FLACC1: variants seen among roughly 807,000 people sequenced by gnomAD.
FLACC1 encodes the protein flagellum-associated coiled-coil domain-containing protein 1.
Under a neutral mutation model 62.8 loss-of-function variants are expected in FLACC1, and 66 were observed. The ratio of observed to expected loss-of-function variants is 1.05; its 90% CI spans 0.86 to 1.29. The LOEUF is 1.29. Among genes scored for constraint, FLACC1 ranks in the 50% most tolerant of loss-of-function variants. The pLI, the probability that FLACC1 is intolerant of heterozygous loss-of-function variation, is 0.00. For missense variants in FLACC1, 452 were observed against 489.1 expected (o/e 0.92, Z 0.71); for synonymous variants, 156 against 161.0 (o/e 0.97, Z 0.24).
chr2:201,290,674 C>T (rs968514374), intron 12 of FLACC1, among the ~76,000 whole-genome samples: 2 of 152,076 alleles, frequency 1.3e-5, no homozygotes, highest in African/African-American at 4.8e-5. Flanking sequence ...GATTGTCAGA[C>T]AGTGGGTGCA....
chr2:201,302,228 G>A (rs1336442874), intron 11 of FLACC1, among the ~76,000 whole-genome samples: 1 of 152,118 alleles, frequency 6.6e-6, no homozygotes, highest in Admixed American at 6.5e-5. Flanking sequence ...ATAAAAGGAT[G>A]GAGTAAGATC....
rs568957927 is a variant in FLACC1, at chr2:201,295,322, C to T, written c.942+3916G>A. On this transcript the variant is annotated intron_variant, in intron 12 of 14. Transcript: ENST00000392257. ...CTGGTACCAAAACAGAGATATAGACCAATGGAACAGAACAGAGCCCTCAGA... is the reference window on the plus strand; with the variant it reads ...CTGGTACCAAAACAGAGATATAGACTAATGGAACAGAACAGAGCCCTCAGA... Among the ~76,000 whole-genome samples the T allele has an allele frequency of 3.2e-4, 49 of 152,164 alleles. 1 individual carries two copies. Among genetic ancestry groups the T allele is most frequent in the African/African-American group, 1.1e-3 (46 of 41,500 alleles).
chr2:201,298,369 C>T (rs1029789991), intron 12 of FLACC1, among the ~76,000 whole-genome samples: 2 of 152,148 alleles, frequency 1.3e-5, no homozygotes, highest in Admixed American at 1.3e-4. Context: ...TAAAAATATT[C>T]AGCACCCAAC....
intron 3 of FLACC1, 107 bp from the exon 4 acceptor site, chr2:201,348,409 TG>T: frequency 8.5e-7 from 1 of 1,181,534 alleles, no homozygotes; most frequent in Non-Finnish European, 1.2e-6. Flanking sequence ...CTCTCTGACC[TG>T]ACCTTCTTAG....
chr2:201,350,310 G>A (rs924672118), intron 3 of FLACC1, among the ~76,000 whole-genome samples: 1 of 152,132 alleles, frequency 6.6e-6, no homozygotes, highest in Admixed American at 6.5e-5. Context: ...GTTTGAACCA[G>A]GGAGGTGGAG....
chr2:201,307,717 G>T, intron 10 of FLACC1, 95 bp from the exon 11 acceptor site: 1 of 897,710 alleles, frequency 1.1e-6, no homozygotes, highest in Non-Finnish European at 1.8e-6. Flanking sequence ...AGCAATTCCA[G>T]ACTGTGTCAG....
chr2:201,327,874 C>T (rs143201330), intron 9 of FLACC1, among the ~76,000 whole-genome samples: 3 of 152,246 alleles, frequency 2.0e-5, no homozygotes, highest in East Asian at 3.9e-4. Flanking sequence ...TTTATAGCAG[C>T]ACAATTCACA....
rs374008019 is a variant in FLACC1 at position 201,307,539 on chromosome 2, T to C, written c.859A>G (p.Asn287Asp). 1 of 1,614,008 alleles carries C rather than the reference T, an allele frequency of 6.2e-7. No individual in the cohort carries two copies. The highest frequency in any genetic ancestry group is 1.3e-5 in the African/African-American group (1 of 74,938). ...GTTACCTCCTTCTCTTGAATGAAGT[T>C]CTCAAAGACAGCACTGCAGGATTCA... ...INESCSAVFE[N>D]FIQEKEELLK... The change falls in exon 11 of 15, where the codon AAC becomes GAC. Residue 287 changes from asparagine (N) to aspartate (D), a missense_variant. Asn to Asp is a conservative substitution (Grantham distance 23, BLOSUM62 1). This residue lies in a region of FLACC1 where 301 missense variants were observed against 318.4 expected (regional missense o/e 0.95). Coordinates refer to ENST00000392257, the MANE Select transcript of FLACC1 (RefSeq NM_001127391.3).
At chr2:201,293,883 A>G (rs1184601228) in intron 12 of FLACC1, among the ~76,000 whole-genome samples, 2 of 152,238 alleles carry the variant, frequency 1.3e-5, no homozygotes, top group East Asian at 1.9e-4. Context: ...ATCAGAGAGT[A>G]CTATAAACAC....
At position 201,288,944 on chromosome 2, in the gene FLACC1, G is replaced by A. The variant is rs186031852; in HGVS notation, c.1143-163C>T. On this transcript the variant is annotated intron_variant, in intron 14 of 14. Transcript: ENST00000392257. ...GAATTTAGTGAGGTATGGTGTTCAG[G>A]TGACTAAAGTCCTATACGAGGAATT... is the stretch of plus-strand genomic sequence containing the variant. 2.4e-4 allele frequency among the ~76,000 whole-genome samples: 36 copies of A among 152,262 alleles called. No homozygotes were observed. In the Middle Eastern group the frequency reaches 0.01, roughly 43 times the overall value.
intron 11 of FLACC1, among the ~76,000 whole-genome samples, chr2:201,305,572 T>C (rs946661810): frequency 6.6e-6 from 1 of 152,216 alleles, no homozygotes; most frequent in Non-Finnish European, 1.5e-5. Flanking sequence ...GACACAGCCA[T>C]CCCATTACTG....
intron 6 of FLACC1, among the ~76,000 whole-genome samples, chr2:201,343,513 C>T (rs1351495784): frequency 6.6e-6 from 1 of 152,080 alleles, no homozygotes; most frequent in African/African-American, 2.4e-5. Context: ...ACATCTGGGG[C>T]ATATCAGAGG....
intron 9 of FLACC1, among the ~76,000 whole-genome samples, chr2:201,324,383 G>C (rs182693790): frequency 1.3e-3 from 198 of 152,290 alleles, no homozygotes; most frequent in Non-Finnish European, 2.5e-3. Flanking sequence ...CCTAAGAAAT[G>C]AGATAGACAG....
chr2:201,296,893 A>T (rs561377742), intron 12 of FLACC1, among the ~76,000 whole-genome samples: 1 of 152,186 alleles, frequency 6.6e-6, no homozygotes, highest in Admixed American at 6.5e-5. Flanking sequence ...ATGGATTGGA[A>T]GGGCAAGAGG....
At chr2:201,320,724 C>T (rs781351227) in intron 9 of FLACC1, among the ~76,000 whole-genome samples, 1 of 152,214 alleles carries the variant, frequency 6.6e-6, no homozygotes, top group African/African-American at 2.4e-5. Context: ...CTGAACCAAC[C>T]CTCACCCTGC....
At chr2:201,330,889 G>A in intron 7 of FLACC1, 56 bp from the exon 8 acceptor site, 1 of 1,441,398 alleles carries the variant, frequency 6.9e-7, no homozygotes. Context: ...CCAGAGCTGA[G>A]CTGTTACCCT....
chr2:201,323,431 C>G (rs1240268206), intron 9 of FLACC1, among the ~76,000 whole-genome samples: 15 of 152,130 alleles, frequency 9.9e-5, no homozygotes, highest in Admixed American at 9.8e-4. Flanking sequence ...GTATTGGGGT[C>G]TTATCTTCAA....
At chr2:201,359,147 T>C (rs1036610793), upstream of FLACC1, among the ~76,000 whole-genome samples, 1 of 152,168 alleles carries the variant, frequency 6.6e-6, no homozygotes, top group Non-Finnish European at 1.5e-5. Context: ...GACTGGATGC[T>C]GGGATGAGCG....
intron 9 of FLACC1, among the ~76,000 whole-genome samples, chr2:201,316,047 A>G (rs1950300987): frequency 6.6e-6 from 1 of 152,196 alleles, no homozygotes; most frequent in African/African-American, 2.4e-5. Flanking sequence ...TCTGGGATAC[A>G]GCAAAGGCAG....
Sources: allele counts gnomAD v4.1 joint callset (sites outside exome capture counted in the v4.1 genomes callset), GRCh38; gene constraint gnomAD v4.1.1; regional missense constraint gnomAD v4.1.1; transcripts MANE v1.5; gene names NCBI Gene and HGNC (gene_info 2026-07-23, HGNC 2026-07-21).